Variants in PLCE1 observed in about 807,000 individuals in gnomAD.
PLCE1 encodes the protein 1-phosphatidylinositol 4,5-bisphosphate phosphodiesterase epsilon-1.
Under a neutral mutation model 242.8 loss-of-function variants are expected in PLCE1, and 119 were observed. That is an observed-to-expected ratio of 0.49 (90% CI 0.42 to 0.57). PLCE1 has a LOEUF of 0.57. Among genes scored for constraint, PLCE1 ranks in the 20% least tolerant of loss-of-function variants. The pLI, the probability that PLCE1 is intolerant of heterozygous loss-of-function variation, is 0.00. For synonymous variants in PLCE1, 945 were observed against 1,017.4 expected (o/e 0.93, Z 1.35); for missense variants, 2,441 against 2,788.8 (o/e 0.88, Z 2.81).
At chr10:94,196,245 G>A (rs529208663) in intron 4 of PLCE1, among the ~76,000 whole-genome samples, 49 of 152,276 alleles carry the variant, frequency 3.2e-4, no homozygotes, top group African/African-American at 1.1e-3. Flanking sequence ...TCAGGGGCTT[G>A]CCTTCTATAG....
In PLCE1 at chr10:94,260,792, G is replaced by T. The variant is rs142796956; in HGVS notation, c.3814+1642G>T. Among the ~76,000 whole-genome samples the T allele has an allele frequency of 1.7e-3, 258 of 152,190 alleles. 2 individuals are homozygous for T. Among genetic ancestry groups the T allele is most frequent in the African/African-American group, 5.9e-3 (245 of 41,532 alleles). ...AATCCTCCTGCCTCAGCTTCCCAAA[G>T]TGCAGGGATCTTAGGCATGAGCCTC... On this transcript the variant is annotated intron_variant, in intron 13 of 32. Coordinates refer to ENST00000371380, the MANE Select transcript of PLCE1 (RefSeq NM_016341.4).
At chr10:94,307,953 C>T (rs920491136) in intron 26 of PLCE1, among the ~76,000 whole-genome samples, 4 of 152,148 alleles carry the variant, frequency 2.6e-5, no homozygotes, top group African/African-American at 9.7e-5. Context: ...AACACAGTCA[C>T]TCTTGGTGTA....
Position 94,030,937 on chromosome 10 carries a change from G to A in PLCE1, c.-110G>A. The stretch of plus-strand genomic sequence containing the variant: ...GAATTATCCCTTTGTTCTTTGGGAG[G>A]ACTTGTGTATCTGAGATTGTTGTAA... On this transcript the variant is annotated 5_prime_UTR_variant, in exon 2 of 33. Coordinates refer to ENST00000371380, the MANE Select transcript of PLCE1 (RefSeq NM_016341.4). 9.5e-7 allele frequency: 1 copy of A among 1,054,394 alleles called. No homozygotes were observed. Among genetic ancestry groups the A allele is most frequent in the Admixed American group, 1.7e-5 (1 of 58,678 alleles). 65.3% of individuals were successfully genotyped at this position (1,054,394 alleles called of 1,614,324 possible).
chr10:93,999,138 G>A (rs954365064), intron 1 of PLCE1, among the ~76,000 whole-genome samples: 1 of 152,166 alleles, frequency 6.6e-6, no homozygotes, highest in Non-Finnish European at 1.5e-5. Flanking sequence ...CAGCATGGAA[G>A]AATAAAGAGA....
chr10:94,240,301 C>T (rs966153803), intron 7 of PLCE1, among the ~76,000 whole-genome samples: 1 of 152,150 alleles, frequency 6.6e-6, no homozygotes, highest in Non-Finnish European at 1.5e-5. Flanking sequence ...GCTCTAAATT[C>T]TTTCCATATA....
chr10:94,016,661 A>G (rs1163276132), intron 1 of PLCE1, among the ~76,000 whole-genome samples: 3 of 152,224 alleles, frequency 2.0e-5, no homozygotes, highest in African/African-American at 4.8e-5. Context: ...TAAAAGATCT[A>G]TGTTCATGGG....
At chr10:94,212,351 G>A (rs930188125) in intron 4 of PLCE1, among the ~76,000 whole-genome samples, 3 of 152,182 alleles carry the variant, frequency 2.0e-5, no homozygotes, top group Admixed American at 1.3e-4. Flanking sequence ...CCGCCTCCCG[G>A]GTTCACGCCA....
At position 94,246,104 on chromosome 10, in the gene PLCE1, T is replaced by G; in HGVS notation, c.2579T>G (p.Phe860Cys). ...VLSIQADVHQ[F>C]LLQGATVIHY... ...TCCATCCAAGCCGATGTGCACCAGTTCCTGCTGCAGGGGGCCACGGTCATC... is the reference window on the plus strand; with the variant it reads ...TCCATCCAAGCCGATGTGCACCAGTGCCTGCTGCAGGGGGCCACGGTCATC... The change falls in exon 8 of 33, where the codon TTC (phenylalanine) becomes TGC (cysteine). Residue 860 changes from phenylalanine to cysteine, a missense_variant. By Grantham distance (205) the Phe-to-Cys change is radical. Around this residue, in one of 5 missense-constraint regions of PLCE1, gnomAD observed 733 missense variants for 754.2 expected, o/e 0.97. Transcript: ENST00000371380. The G allele has an allele frequency of 6.2e-7, 1 of 1,614,110 alleles. No individual in the cohort carries two copies. The highest frequency in any genetic ancestry group is 8.5e-7 in the Non-Finnish European group (1 of 1,179,998).
At chr10:94,081,542 T>C (rs2044654403) in intron 2 of PLCE1, among the ~76,000 whole-genome samples, 1 of 152,258 alleles carries the variant, frequency 6.6e-6, no homozygotes, top group Non-Finnish European at 1.5e-5. Context: ...CAGTATGCAG[T>C]TGAGTATATT....
At chr10:94,046,512 C>T (rs930563064) in intron 2 of PLCE1, among the ~76,000 whole-genome samples, 5 of 152,192 alleles carry the variant, frequency 3.3e-5, no homozygotes, top group Non-Finnish European at 7.3e-5. Context: ...GAAACTGAGG[C>T]TCAAAGAGAC....
At chr10:94,147,860 A>AC (rs1388606937) in intron 3 of PLCE1, among the ~76,000 whole-genome samples, 1 of 152,164 alleles carries the variant, frequency 6.6e-6, no homozygotes, top group East Asian at 1.9e-4. Context: ...AATGCCTGCC[A>AC]CCCCTGTTCT....
In PLCE1 at chr10:94,030,798, A is replaced by C. The variant is rs904785195; in HGVS notation, c.-249A>C. 3 of 510,018 alleles carry C rather than the reference A, an allele frequency of 5.9e-6. No individual in the cohort carries two copies. The highest frequency in any genetic ancestry group is 1.0e-5 in the Non-Finnish European group (3 of 286,536). The allele number at this position is 510,018 out of a possible 1,614,324, so 31.6% of individuals were successfully genotyped here. A position where few individuals can be genotyped will look rare whatever the true frequency, so the allele number is the denominator to read the frequency against. On this transcript the variant is annotated 5_prime_UTR_variant, in exon 2 of 33. Coordinates refer to ENST00000371380, the MANE Select transcript of PLCE1 (RefSeq NM_016341.4). Reference sequence around the variant, plus strand: ...CAAAAAATTTTGCTTCAGGTAACAGAGGAAGGAAAATTGATCTACCACCTT... The same window carrying C: ...CAAAAAATTTTGCTTCAGGTAACAGCGGAAGGAAAATTGATCTACCACCTT...
intron 1 of PLCE1, among the ~76,000 whole-genome samples, chr10:94,013,041 G>A (rs1158499416): frequency 1.3e-5 from 2 of 152,182 alleles, no homozygotes; most frequent in Non-Finnish European, 2.9e-5. Context: ...CCAGGAACTG[G>A]AATATACTAG....
At chr10:94,303,614 CCTATT>C (rs1276470598) in intron 24 of PLCE1, among the ~76,000 whole-genome samples, 1 of 152,026 alleles carries the variant, frequency 6.6e-6, no homozygotes, top group Non-Finnish European at 1.5e-5. Context: ...TGGCTATTCT[CCTATT>C]CTTTCTTGTA....
chr10:94,273,009 T>TGG (rs2051805766), intron 18 of PLCE1, among the ~76,000 whole-genome samples: 1 of 152,102 alleles, frequency 6.6e-6, no homozygotes, highest in Non-Finnish European at 1.5e-5. Flanking sequence ...GAGACCAGCC[T>TGG]GGGCAACAAT....
chr10:94,082,919 T>C (rs10509668), intron 2 of PLCE1, among the ~76,000 whole-genome samples: 52,146 of 152,068 alleles, frequency 0.34, 10,415 homozygotes, highest in African/African-American at 0.56. Flanking sequence ...TTAAAAGCAA[T>C]TCTATGTGAA....
chr10:94,265,114 G>A (rs561981325), intron 14 of PLCE1, among the ~76,000 whole-genome samples: 26 of 152,202 alleles, frequency 1.7e-4, no homozygotes, highest in Non-Finnish European at 3.1e-4. Context: ...GGAGCGGTGT[G>A]GCTCCATGCA....
At chr10:94,207,514 C>CGTGTGTGTGT (rs56098317) in intron 4 of PLCE1, among the ~76,000 whole-genome samples, 27 of 142,876 alleles carry the variant, frequency 1.9e-4, no homozygotes, top group African/African-American at 6.0e-4. Context: ...AATAGTTATA[C>CGTGTGTGTGT]GTGTGTGTGT....
chr10:94,216,753 G>A (rs976147823), intron 4 of PLCE1, among the ~76,000 whole-genome samples: 2 of 151,918 alleles, frequency 1.3e-5, no homozygotes, highest in Non-Finnish European at 2.9e-5. Flanking sequence ...GTAAGCAACT[G>A]GTAAGCACCA....
Sources: gnomAD v4.1 joint callset for allele counts (sites outside exome capture counted in the v4.1 genomes callset) on GRCh38, gnomAD v4.1.1 for gene constraint, gnomAD v4.1.1 regional missense constraint, MANE v1.5 for transcripts, NCBI Gene and HGNC (gene_info 2026-07-23, HGNC 2026-07-21) for gene names.